Variants in ASCC1 observed in about 807,000 individuals in gnomAD.
The protein encoded by ASCC1 is activating signal cointegrator 1 complex subunit 1, also known as ASC-1 complex subunit P50.
ASCC1 carries 35 observed loss-of-function variants against 46.6 expected under a neutral mutation model. The ratio of observed to expected loss-of-function variants is 0.75; its 90% CI spans 0.57 to 0.99. ASCC1 has a LOEUF of 0.99. Among genes scored for constraint, ASCC1 ranks in the 50% least tolerant of loss-of-function variants. The pLI is 0.00. For missense variants in ASCC1, 376 were observed against 428.7 expected (o/e 0.88, Z 1.09); for synonymous variants, 143 against 146.6 (o/e 0.98, Z 0.18).
intron 6 of ASCC1, among the ~76,000 whole-genome samples, chr10:72,157,838 T>G (rs1372481084): frequency 1.2e-4 from 18 of 152,244 alleles, no homozygotes; most frequent in Admixed American, 1.2e-3. Flanking sequence ...GTGGTGTATT[T>G]CTTTTTGTAA....
chr10:72,189,520 T>C (rs958074628), intron 5 of ASCC1, among the ~76,000 whole-genome samples: 1 of 151,874 alleles, frequency 6.6e-6, no homozygotes, highest in Non-Finnish European at 1.5e-5. Context: ...CCAAAGATAC[T>C]GTTCGGGTGG....
chr10:72,191,544 T>C (rs1286252959), intron 5 of ASCC1, among the ~76,000 whole-genome samples: 1 of 151,916 alleles, frequency 6.6e-6, no homozygotes, highest in Non-Finnish European at 1.5e-5. Context: ...GACCTAAATA[T>C]TGCATCTCGT....
chr10:72,193,491 A>T (rs1854878938), intron 5 of ASCC1, among the ~76,000 whole-genome samples: 1 of 151,424 alleles, frequency 6.6e-6, no homozygotes, highest in South Asian at 2.1e-4. Flanking sequence ...ACACACACAC[A>T]TGATAAAACT....
chr10:72,133,639 A>G (rs757773716), intron 7 of ASCC1: 1 of 237,330 alleles, frequency 4.2e-6, no homozygotes, highest in Non-Finnish European at 8.4e-6. Flanking sequence ...GAGTGACAGA[A>G]AAGGGACAAT....
intron 3 of ASCC1, among the ~76,000 whole-genome samples, chr10:72,209,114 G>A (rs574694802): frequency 2.7e-4 from 41 of 150,796 alleles, no homozygotes; most frequent in Admixed American, 1.5e-3. Context: ...ACAGTGAGCC[G>A]AGATCGCACC....
intron 5 of ASCC1, among the ~76,000 whole-genome samples, chr10:72,167,651 T>C (rs1032546567): frequency 5.9e-5 from 9 of 151,836 alleles, no homozygotes; most frequent in African/African-American, 2.2e-4. Context: ...TTTTTTTTTT[T>C]TTTTTAAGAC....
intron 9 of ASCC1, among the ~76,000 whole-genome samples, chr10:72,104,049 G>A (rs1044113305): frequency 2.0e-5 from 3 of 152,152 alleles, no homozygotes; most frequent in African/African-American, 4.8e-5. Flanking sequence ...AGGGGCCTCA[G>A]CCATGAACCT....
chr10:72,161,969 C>T (rs372014405), intron 5 of ASCC1, among the ~76,000 whole-genome samples: 9 of 151,868 alleles, frequency 5.9e-5, no homozygotes, highest in South Asian at 4.2e-4. Flanking sequence ...AAAACATGGA[C>T]GACAAAAGAA....
chr10:72,186,851 G>T (rs7088609), intron 5 of ASCC1, among the ~76,000 whole-genome samples: 1 of 138,532 alleles, frequency 7.2e-6, no homozygotes, highest in Non-Finnish European at 1.5e-5. Context: ...TCATTCTGGC[G>T]AAATCAAAGC....
At position 72,096,896 on chromosome 10, in the gene ASCC1, CG is replaced by C. The variant is rs1461572915; in HGVS notation, c.*437del. 1 of 453,824 alleles carries C rather than the reference CG, an allele frequency of 2.2e-6. No homozygotes were observed. Among genetic ancestry groups the C allele is most frequent in the Non-Finnish European group, 4.4e-6 (1 of 226,776 alleles). The allele number at this position is 453,824 out of a possible 1,614,324, so 28.1% of individuals were successfully genotyped here. A position where few individuals can be genotyped will look rare whatever the true frequency, so the allele number is the denominator to read the frequency against. On this transcript the variant is annotated 3_prime_UTR_variant, in exon 10 of 10. Transcript: ENST00000672957. Reference sequence around the variant, plus strand: ...GAGACAGAAAGCAGAATGGTGGCTGCGGGGGCTGGGAGGAGTGGGAATTACT... The same window carrying C: ...GAGACAGAAAGCAGAATGGTGGCTGCGGGGCTGGGAGGAGTGGGAATTACT...
At chr10:72,181,167 C>T (rs747883806) in intron 5 of ASCC1, among the ~76,000 whole-genome samples, 53 of 152,048 alleles carry the variant, frequency 3.5e-4, no homozygotes, top group Non-Finnish European at 5.6e-4. Flanking sequence ...GGTTTTACCA[C>T]GTTGGCCAGG....
intron 5 of ASCC1, among the ~76,000 whole-genome samples, chr10:72,164,346 G>T (rs868717469): frequency 1.2e-4 from 18 of 152,010 alleles, no homozygotes; most frequent in Middle Eastern, 3.4e-3. Context: ...TGTCTCTTTG[G>T]ATTTATCTAT....
Position 72,180,963 on chromosome 10 carries a change from T to C in ASCC1, c.489+15848A>G, listed in dbSNP as rs1852508754. Reference sequence around the variant, plus strand: ...GATGATTGGTTCAAAAGCATTATTCTATTCATTTGCCTTTTTTTTTGGAGA... The same window carrying C: ...GATGATTGGTTCAAAAGCATTATTCCATTCATTTGCCTTTTTTTTTGGAGA... On this transcript the variant is annotated intron_variant, in intron 5 of 9. Coordinates refer to ENST00000672957, the MANE Select transcript of ASCC1 (RefSeq NM_001198800.3). 3 of 182,022 alleles carry C rather than the reference T, an allele frequency of 1.6e-5. No homozygotes were observed. The South Asian group carries it at 3.8e-4, about 23-fold the overall frequency. The allele number at this position is 182,022 out of a possible 1,614,324, so 11.3% of individuals were successfully genotyped here. A position where few individuals can be genotyped will look rare whatever the true frequency, so the allele number is the denominator to read the frequency against.
intron 7 of ASCC1, among the ~76,000 whole-genome samples, chr10:72,151,002 T>G (rs1737784279): frequency 6.6e-6 from 1 of 152,236 alleles, no homozygotes; most frequent in Admixed American, 6.5e-5. Flanking sequence ...TTGGTGGGAA[T>G]GTAAACTAGT....
chr10:72,097,826 A>G (rs759557004), intron 9 of ASCC1, among the ~76,000 whole-genome samples: 60 of 152,226 alleles, frequency 3.9e-4, no homozygotes, highest in Non-Finnish European at 7.8e-4. Flanking sequence ...CCAGTGACTG[A>G]CCATGCAGGG....
intron 5 of ASCC1, chr10:72,189,802 CAAAAAAAAA>C (rs996153326): frequency 2.5e-5 from 4 of 161,068 alleles, no homozygotes; most frequent in Non-Finnish European, 3.4e-5. Flanking sequence ...AACTCCATCT[CAAAAAAAAA>C]AAAAAAAAAA....
In ASCC1 at chr10:72,097,291, C is replaced by A. The variant is rs964644133; in HGVS notation, c.*43G>T. 7 of 1,322,382 alleles carry A rather than the reference C, an allele frequency of 5.3e-6. No individual in the cohort carries two copies. Among genetic ancestry groups the A allele is most frequent in the Non-Finnish European group, 7.6e-6 (7 of 915,810 alleles). The allele number at this position is 1,322,382 out of a possible 1,614,324, so 81.9% of individuals were successfully genotyped here. On this transcript the variant is annotated 3_prime_UTR_variant, in exon 10 of 10. Coordinates refer to ENST00000672957, the MANE Select transcript of ASCC1 (RefSeq NM_001198800.3). Reference sequence around the variant, plus strand: ...AAAACGAAGACACTTTTCTTCAGCACCTGGTGAAGATGTTTAGTTTCTAGT... The same window carrying A: ...AAAACGAAGACACTTTTCTTCAGCAACTGGTGAAGATGTTTAGTTTCTAGT...
chr10:72,123,466 G>A (rs1160310216), intron 9 of ASCC1, among the ~76,000 whole-genome samples: 1 of 152,042 alleles, frequency 6.6e-6, no homozygotes, highest in Non-Finnish European at 1.5e-5. Context: ...GTGGCCTATC[G>A]ATTTTAAAGA....
At chr10:72,112,494 T>C (rs570478114) in intron 9 of ASCC1, among the ~76,000 whole-genome samples, 1 of 151,984 alleles carries the variant, frequency 6.6e-6, no homozygotes, top group Non-Finnish European at 1.5e-5. Context: ...ATAGTGATGA[T>C]GGTCGCGTAA....
Sources: allele counts gnomAD v4.1 joint callset (sites outside exome capture counted in the v4.1 genomes callset), GRCh38; gene constraint gnomAD v4.1.1; transcripts MANE v1.5; gene names NCBI Gene and HGNC (gene_info 2026-07-23, HGNC 2026-07-21).